Variants in HDAC9 observed in about 807,000 individuals in gnomAD.
HDAC9 encodes MEF-2 interacting transcription repressor (MITR) protein.
HDAC9 carries 41 observed loss-of-function variants against 139.4 expected under a neutral mutation model. The observed-to-expected ratio is 0.29, with a 90% CI of 0.23 to 0.38. The LOEUF is 0.38. Ranked by LOEUF, HDAC9 falls within the 10% of genes least tolerant of loss-of-function variation. The pLI is 1.00. For synonymous variants in HDAC9, 517 were observed against 476.2 expected (o/e 1.09, Z -1.12); for missense variants, 1,147 against 1,297.0 (o/e 0.88, Z 1.78).
rs145991817 is a variant in HDAC9 at position 18,754,926 on chromosome 7, C to A, written c.2043+5788C>A. 5.4e-3 allele frequency among the ~76,000 whole-genome samples: 815 copies of A among 152,262 alleles called. 5 individuals are homozygous for A. The highest frequency in any genetic ancestry group is 0.019 in the African/African-American group (771 of 41,570). ...ATGTGCAGGTTTTCTGATATCAAGA[C>A]TGCAAAGCGCTGAAAACTGCAAGTT... On this transcript the variant is annotated intron_variant, in intron 14 of 25. Transcript: ENST00000686413.
chr7:18,100,091 A>G (rs966381234), intron 1 of HDAC9, among the ~76,000 whole-genome samples: 1 of 152,154 alleles, frequency 6.6e-6, no homozygotes, highest in African/African-American at 2.4e-5. Context: ...TGTTGGATAT[A>G]GAATTCTAGG....
At chr7:18,261,897 C>G (rs1414424888) in intron 2 of HDAC9, among the ~76,000 whole-genome samples, 1 of 152,204 alleles carries the variant, frequency 6.6e-6, no homozygotes. Context: ...ATCTCTCTTT[C>G]AATTCATTTT....
intron 25 of HDAC9, 121 bp from the exon 26 acceptor site, chr7:18,995,902 A>T (rs923286011): frequency 3.0e-6 from 2 of 661,216 alleles, no homozygotes; most frequent in African/African-American, 3.7e-5. Context: ...ATTTATGGAT[A>T]ACTGAATAAC....
intron 22 of HDAC9, among the ~76,000 whole-genome samples, chr7:18,883,652 A>T (rs1359045879): frequency 6.6e-6 from 1 of 152,128 alleles, no homozygotes; most frequent in African/African-American, 2.4e-5. Flanking sequence ...CACTCTCGCC[A>T]CTTCTATTCA....
intron 1 of HDAC9, among the ~76,000 whole-genome samples, chr7:18,140,359 C>T (rs969834734): frequency 5.3e-5 from 8 of 152,040 alleles, no homozygotes; most frequent in African/African-American, 1.9e-4. Flanking sequence ...AAGATGGAAA[C>T]ATCTGCATAA....
intron 2 of HDAC9, among the ~76,000 whole-genome samples, chr7:18,218,179 T>C (rs1292529866): frequency 1.3e-5 from 2 of 152,042 alleles, no homozygotes; most frequent in Admixed American, 6.6e-5. Flanking sequence ...TGCAGTGACT[T>C]GTGCCTATAA....
intron 17 of HDAC9, among the ~76,000 whole-genome samples, chr7:18,815,577 C>T (rs940568329): frequency 1.3e-5 from 2 of 152,326 alleles, no homozygotes; most frequent in East Asian, 3.9e-4. Flanking sequence ...GCATTTAGTC[C>T]TGTCTGTAGC....
At chr7:18,323,046 T>G (rs1317593911) in intron 1 of HDAC9, among the ~76,000 whole-genome samples, 2 of 152,158 alleles carry the variant, frequency 1.3e-5, no homozygotes, top group Non-Finnish European at 2.9e-5. Flanking sequence ...CAAGGATGGT[T>G]GGCCCACTTC....
chr7:18,566,788 T>C (rs1448026542), intron 2 of HDAC9, among the ~76,000 whole-genome samples: 1 of 152,256 alleles, frequency 6.6e-6, no homozygotes, highest in Non-Finnish European at 1.5e-5. Context: ...TTAAAACAAC[T>C]GTATCCCATG....
At chr7:18,623,769 C>G (rs1057046092) in intron 6 of HDAC9, among the ~76,000 whole-genome samples, 7 of 152,182 alleles carry the variant, frequency 4.6e-5, no homozygotes, top group Non-Finnish European at 1.5e-5. Flanking sequence ...TGGTGAAACC[C>G]TGTCTCCACT....
At chr7:18,641,817 A>G (rs1371928655) in intron 8 of HDAC9, among the ~76,000 whole-genome samples, 1 of 152,024 alleles carries the variant, frequency 6.6e-6, no homozygotes, top group Non-Finnish European at 1.5e-5. Flanking sequence ...GTGTCAGGTG[A>G]ATGGTACCCC....
At chr7:18,168,343 C>T (rs1457012490) in intron 2 of HDAC9, among the ~76,000 whole-genome samples, 1 of 152,152 alleles carries the variant, frequency 6.6e-6, no homozygotes, top group African/African-American at 2.4e-5. Flanking sequence ...GCCAAATATA[C>T]AGTGGTTGAT....
intron 12 of HDAC9, among the ~76,000 whole-genome samples, chr7:18,684,244 A>G (rs912785594): frequency 1.6e-4 from 24 of 148,480 alleles, no homozygotes; most frequent in African/African-American, 5.9e-4. Context: ...ACAGAGCCAG[A>G]CCCTATCTCA....
At chr7:18,296,403 CATA>C (rs71925795) in intron 1 of HDAC9, among the ~76,000 whole-genome samples, 16,400 of 148,852 alleles carry the variant, frequency 0.11, 1,950 homozygotes, top group African/African-American at 0.31. Flanking sequence ...TTGATTATAA[CATA>C]ATTCATATAG....
intron 2 of HDAC9, among the ~76,000 whole-genome samples, chr7:18,561,136 C>T (rs1383044747): frequency 1.3e-5 from 2 of 152,114 alleles, no homozygotes; most frequent in African/African-American, 4.8e-5. Context: ...AGATCCATTG[C>T]CTTGATTAAA....
chr7:18,520,859 T>C (rs1387939966), intron 2 of HDAC9, among the ~76,000 whole-genome samples: 2 of 152,098 alleles, frequency 1.3e-5, no homozygotes, highest in Non-Finnish European at 2.9e-5. Context: ...CAGAATAAAA[T>C]TGAGTTTCCT....
At chr7:18,795,287 A>C (rs967127988) in intron 17 of HDAC9, among the ~76,000 whole-genome samples, 3 of 94,258 alleles carry the variant, frequency 3.2e-5, no homozygotes, top group Non-Finnish European at 7.1e-5. Flanking sequence ...AAAAAAAAAG[A>C]AAAGCCAGCC....
chr7:18,644,868 T>C, intron 9 of HDAC9, 75 bp downstream of exon 9: 1 of 1,480,194 alleles, frequency 6.8e-7, no homozygotes, highest in East Asian at 2.4e-5. Context: ...TTTCGTGTTT[T>C]ATGTATTTAG....
intron 22 of HDAC9, among the ~76,000 whole-genome samples, chr7:18,884,380 C>T (rs1448681514): frequency 5.3e-5 from 8 of 152,068 alleles, no homozygotes; most frequent in African/African-American, 1.7e-4. Flanking sequence ...ATAGAGGACC[C>T]AGAAATAAAT....
Sources: gnomAD v4.1 joint callset for allele counts (sites outside exome capture counted in the v4.1 genomes callset) on GRCh38, gnomAD v4.1.1 for gene constraint, MANE v1.5 for transcripts, NCBI Gene and HGNC (gene_info 2026-07-23, HGNC 2026-07-21) for gene names.